Variants in CMTM4 observed in about 807,000 individuals in gnomAD.
CMTM4 encodes CKLF-like MARVEL transmembrane domain-containing protein 4.
CMTM4 carries 8 observed loss-of-function variants against 19.0 expected under a neutral mutation model. The observed-to-expected ratio is 0.42, with a 90% CI of 0.25 to 0.76. CMTM4 has a LOEUF of 0.76. Among genes scored for constraint, CMTM4 ranks in the 30% least tolerant of loss-of-function variants. CMTM4 has a pLI of 0.27. For missense variants in CMTM4, 228 were observed against 290.2 expected (o/e 0.79, Z 1.56); for synonymous variants, 106 against 121.1 (o/e 0.88, Z 0.82).
intron 2 of CMTM4, among the ~76,000 whole-genome samples, chr16:66,631,792 G>T (rs1295360627): frequency 6.6e-6 from 1 of 152,144 alleles, no homozygotes; most frequent in Non-Finnish European, 1.5e-5. Context: ...CACAAACACT[G>T]CGGAAGGCCA....
Position 66,622,141 on chromosome 16 carries a change from G to T in CMTM4, c.544C>A (p.Gln182Lys), listed in dbSNP as rs749269976. The T allele has an allele frequency of 1.2e-5, 20 of 1,612,890 alleles. No individual in the cohort carries two copies. Among genetic ancestry groups the T allele is most frequent in the Non-Finnish European group, 1.7e-5 (20 of 1,179,580 alleles). ...VQKWRVSVRQ[Q>K]STNDYIRART... is the part of the protein sequence containing the mutation. ...GCTCGGATGTAGTCATTGGTGCTCT[G>T]CTGGCGGACGCTGACTCTCCATTTC... is the stretch of plus-strand genomic sequence containing the variant. Residue 182 changes from glutamine to lysine, a missense_variant, in exon 4 of 4, where the codon CAG (glutamine) becomes AAG (lysine). Transcript: ENST00000394106. The surrounding 1 kb of genome is among the most constrained non-coding windows in gnomAD (Gnocchi z 4.0).
rs985022428 is a variant in CMTM4, at chr16:66,620,928, A to G, written c.*1130T>C. On this transcript the variant is annotated 3_prime_UTR_variant, in exon 4 of 4. Coordinates refer to ENST00000394106, the MANE Select transcript of CMTM4 (RefSeq NM_181521.3). ...CAAGAATCAATCAGAAACCTTAAGTAGCTAGGATTTTTCCCCCCAACAACT... is the reference window on the plus strand; with the variant it reads ...CAAGAATCAATCAGAAACCTTAAGTGGCTAGGATTTTTCCCCCCAACAACT... 1.0e-6 allele frequency: 1 copy of G among 985,780 alleles called. No individual in the cohort carries two copies. The highest frequency in any genetic ancestry group is 1.2e-6 in the Non-Finnish European group (1 of 829,954). The allele number at this position is 985,780 out of a possible 1,614,324, so 61.1% of individuals were successfully genotyped here.
At chr16:66,630,396 C>T (rs2015830674) in intron 2 of CMTM4, among the ~76,000 whole-genome samples, 1 of 148,740 alleles carries the variant, frequency 6.7e-6, no homozygotes, top group South Asian at 2.2e-4. Flanking sequence ...CGAGCCGAAG[C>T]TGGACTGTAC....
chr16:66,694,571 G>A (rs2017196665), intron 1 of CMTM4, among the ~76,000 whole-genome samples: 1 of 151,914 alleles, frequency 6.6e-6, no homozygotes, highest in African/African-American at 2.4e-5. Flanking sequence ...AAATTAGCTG[G>A]GCGTGGTGGT....
chr16:66,636,721 G>A (rs532260847), intron 1 of CMTM4, 140 bp from the exon 2 acceptor site: 27 of 665,092 alleles, frequency 4.1e-5, no homozygotes, highest in South Asian at 2.7e-4. Context: ...TGTAACTGTC[G>A]GAAATCAGAC....
intron 1 of CMTM4, among the ~76,000 whole-genome samples, chr16:66,688,978 C>A (rs1209238298): frequency 6.6e-6 from 1 of 152,052 alleles, no homozygotes; most frequent in Admixed American, 6.6e-5. Context: ...TATTGGTTAT[C>A]GTGTGTTGAC....
intron 1 of CMTM4, among the ~76,000 whole-genome samples, chr16:66,658,217 T>TAGGGAGGG (rs967455322): frequency 3.8e-5 from 4 of 104,692 alleles, no homozygotes; most frequent in African/African-American, 1.6e-4. Context: ...AGAAGGGAGG[T>TAGGGAGGG]AGGGAGGGAG....
chr16:66,623,547 T>C, intron 2 of CMTM4, 45 bp from the exon 3 acceptor site: 1 of 1,409,562 alleles, frequency 7.1e-7, no homozygotes, highest in South Asian at 1.2e-5. Context: ...AACCATTCCA[T>C]CTTTGCTCTA....
chr16:66,646,359 T>C lies in CMTM4; in HGVS notation c.187-9778A>G, dbSNP rs1596928023. 3.3e-5 allele frequency among the ~76,000 whole-genome samples: 5 copies of C among 152,320 alleles called. No homozygotes were observed. The South Asian group carries it at 1.0e-3, about 32-fold the overall frequency. ...AATATGTAAGAAATATACATATTCA[T>C]ACATATATGTATTTATAATACATGC... On this transcript the variant is annotated intron_variant, in intron 1 of 3. Coordinates refer to ENST00000394106, the MANE Select transcript of CMTM4 (RefSeq NM_181521.3).
intron 1 of CMTM4, among the ~76,000 whole-genome samples, chr16:66,687,065 A>G (rs1255952922): frequency 1.3e-5 from 2 of 151,768 alleles, no homozygotes; most frequent in African/African-American, 4.8e-5. Flanking sequence ...AATGAGGGTA[A>G]ATTCCTTTCA....
downstream of CMTM4, chr16:66,610,824 C>T: frequency 2.5e-6 from 1 of 398,626 alleles, no homozygotes; most frequent in Non-Finnish European, 4.4e-6. The surrounding 1 kb of genome is among the most constrained non-coding windows in gnomAD (Gnocchi z 4.6). Flanking sequence ...GTAGGTTAGG[C>T]TTAAGAGCCA....
chr16:66,672,662 T>G (rs2016730931), intron 1 of CMTM4, among the ~76,000 whole-genome samples: 1 of 152,078 alleles, frequency 6.6e-6, no homozygotes, highest in Non-Finnish European at 1.5e-5. Flanking sequence ...AGTCTCTGAT[T>G]GCAGTGGTGC....
At chr16:66,677,373 T>C (rs753089132) in intron 1 of CMTM4, among the ~76,000 whole-genome samples, 2 of 152,230 alleles carry the variant, frequency 1.3e-5, no homozygotes, top group African/African-American at 4.8e-5. Flanking sequence ...TTCTGGGGCA[T>C]CTGTAGGCTG....
chr16:66,626,366 G>A (rs2015738229), intron 2 of CMTM4, among the ~76,000 whole-genome samples: 1 of 152,196 alleles, frequency 6.6e-6, no homozygotes, highest in Non-Finnish European at 1.5e-5. Context: ...CACTTTGGGA[G>A]GCCAAGGTGA....
At chr16:66,678,855 C>G (rs1289991466) in intron 1 of CMTM4, among the ~76,000 whole-genome samples, 1 of 152,024 alleles carries the variant, frequency 6.6e-6, no homozygotes, top group Non-Finnish European at 1.5e-5. Flanking sequence ...GACTGTAATC[C>G]CAGCACTTTG....
intron 1 of CMTM4, among the ~76,000 whole-genome samples, chr16:66,658,215 GGTAGGGAGGGAGGGAA>G (rs1346277395): frequency 6.8e-6 from 1 of 146,770 alleles, no homozygotes; most frequent in East Asian, 2.2e-4. Flanking sequence ...AAAGAAGGGA[GGTAGGGAGGGAGGGAA>G]GGAGGGAAGG....
chr16:66,637,250 G>C (rs1363096402), intron 1 of CMTM4, among the ~76,000 whole-genome samples: 1 of 152,156 alleles, frequency 6.6e-6, no homozygotes, highest in Non-Finnish European at 1.5e-5. Context: ...ACCAATAATA[G>C]AATAAATTTC....
At chr16:66,668,003 GT>G (rs2016633696) in intron 1 of CMTM4, among the ~76,000 whole-genome samples, 1 of 151,222 alleles carries the variant, frequency 6.6e-6, no homozygotes, top group African/African-American at 2.4e-5. Flanking sequence ...TTGTTTGTTT[GT>G]TTTGCTTTTG....
At chr16:66,688,866 G>A (rs2017084909) in intron 1 of CMTM4, among the ~76,000 whole-genome samples, 1 of 152,140 alleles carries the variant, frequency 6.6e-6, no homozygotes, top group South Asian at 2.1e-4. Flanking sequence ...CATGTTTTGT[G>A]AGATTTATAT....
Sources: gnomAD v4.1 joint callset for allele counts (sites outside exome capture counted in the v4.1 genomes callset) on GRCh38, gnomAD v4.1.1 for gene constraint, Gnocchi (gnomAD v3.1) non-coding constraint, MANE v1.5 for transcripts, NCBI Gene and HGNC (gene_info 2026-07-23, HGNC 2026-07-21) for gene names.